The following RHBDL3 variants were observed in gnomAD, a reference collection of about 807,000 sequenced individuals.
RHBDL3 encodes the protein rhomboid-related protein 3.
RHBDL3 carries 28 observed loss-of-function variants against 48.2 expected under a neutral mutation model. The observed-to-expected ratio is 0.58, with a 90% CI of 0.43 to 0.80. The LOEUF is 0.80. RHBDL3 is among the 30% of genes least tolerant of loss of function. RHBDL3 has a pLI of 0.00. For missense variants in RHBDL3, 464 were observed against 542.7 expected, an observed-to-expected ratio of 0.85 and a Z score of 1.44; for synonymous variants, 208 against 232.3, an observed-to-expected ratio of 0.90 and a Z score of 0.95.
intron 2 of RHBDL3, among the ~76,000 whole-genome samples, chr17:32,274,018 G>A (rs1357937004): frequency 2.6e-5 from 4 of 152,248 alleles, no homozygotes; most frequent in African/African-American, 9.6e-5. Flanking sequence ...TTGCAGGCGT[G>A]AGCCACCGTG....
chr17:32,271,634 A>G (rs2039777440), intron 2 of RHBDL3, among the ~76,000 whole-genome samples: 1 of 152,240 alleles, frequency 6.6e-6, no homozygotes, highest in Non-Finnish European at 1.5e-5. Flanking sequence ...ACCCTTAAAA[A>G]TGCCTCCAAG....
intron 6 of RHBDL3, among the ~76,000 whole-genome samples, chr17:32,305,032 G>A (rs2040674791): frequency 6.6e-6 from 1 of 152,048 alleles, no homozygotes; most frequent in Admixed American, 6.6e-5. Context: ...GGGGCAGGAG[G>A]ATCACTTGAG....
Position 32,265,918 on chromosome 17 carries a change from G to C in RHBDL3, c.-272G>C, listed in dbSNP as rs1032132660. Among the ~76,000 whole-genome samples the C allele has an allele frequency of 7.5e-5, 11 of 146,962 alleles. No individual in the cohort carries two copies. Among genetic ancestry groups the C allele is most frequent in the Admixed American group, 6.1e-4 (9 of 14,812 alleles). ...CCAAGGGCGCCCTCGCCTCGGAGCCGGGCGCGAGGGCCGGGGCGGAGGCGG... is the reference window on the plus strand; with the variant it reads ...CCAAGGGCGCCCTCGCCTCGGAGCCCGGCGCGAGGGCCGGGGCGGAGGCGG... On this transcript the variant is annotated 5_prime_UTR_variant, in exon 1 of 9. Transcript: ENST00000269051.
intron 3 of RHBDL3, 107 bp downstream of exon 3, chr17:32,284,924 T>C (rs949209272): frequency 9.8e-7 from 1 of 1,024,816 alleles, no homozygotes; most frequent in Admixed American, 2.1e-5. Flanking sequence ...GCCTGCAGCA[T>C]TGAAAAAGTC....
intron 4 of RHBDL3, among the ~76,000 whole-genome samples, chr17:32,293,595 C>CA (rs1377310440): frequency 6.6e-6 from 1 of 151,114 alleles, no homozygotes; most frequent in Non-Finnish European, 1.5e-5. Context: ...AAAAAAAACC[C>CA]AAAAAACTGA....
rs2041209382 is a variant in RHBDL3 at position 32,324,314 on chromosome 17, T to C, written c.*3085T>C. The C allele has an allele frequency of 6.5e-6, 1 of 152,686 alleles. No homozygotes were observed. Among genetic ancestry groups the C allele is most frequent in the Non-Finnish European group, 1.5e-5 (1 of 68,048 alleles). The allele number at this position is 152,686 out of a possible 1,614,324, so 9.5% of individuals were successfully genotyped here. On this transcript the variant is annotated 3_prime_UTR_variant, in exon 9 of 9. Transcript: ENST00000269051. ...CTCTCGATTTCCATGAGAACCATTC[T>C]TGCCCAGAGGATTAGGGGAGCTGTT... is the stretch of plus-strand genomic sequence containing the variant.
At chr17:32,305,303 C>T (rs1056128218) in intron 6 of RHBDL3, 38 bp from the exon 7 acceptor site, 4 of 1,457,654 alleles carry the variant, frequency 2.7e-6, no homozygotes, top group Non-Finnish European at 3.9e-6. Flanking sequence ...GAGCCGAGTC[C>T]CGCACTCCTG....
chr17:32,316,196 TA>T (rs2040968564), intron 7 of RHBDL3, 35 bp from the exon 8 acceptor site: 7 of 1,519,154 alleles, frequency 4.6e-6, no homozygotes, highest in Non-Finnish European at 4.6e-6. Context: ...AAGAGTGGTC[TA>T]ATCTGGAACT....
Position 32,266,235 on chromosome 17 carries a change from G to T in RHBDL3, c.46G>T (p.Glu16Ter). The T allele has an allele frequency of 1.4e-6, 2 of 1,448,912 alleles. No individual in the cohort carries two copies. Among genetic ancestry groups the T allele is most frequent in the Non-Finnish European group, 1.8e-6 (2 of 1,107,090 alleles). 89.8% of individuals were successfully genotyped at this position (1,448,912 alleles called of 1,614,324 possible). The change falls in exon 1 of 9, where the codon GAG (glutamate) becomes TAG (stop). Residue 16 changes from glutamate (E) to a stop codon, truncating the protein, a stop_gained. Coordinates refer to ENST00000269051, the MANE Select transcript of RHBDL3 (RefSeq NM_138328.3). LOFTEE classifies it high-confidence loss of function. ...SPGPAVAACA[E>*]AERIEELEPE... ...GGGCCCCGCGGTGGCCGCCTGCGCCGAGGCGGAGCGCATCGAGGAGCTGGA... is the reference window on the plus strand; with the variant it reads ...GGGCCCCGCGGTGGCCGCCTGCGCCTAGGCGGAGCGCATCGAGGAGCTGGA...
intron 2 of RHBDL3, among the ~76,000 whole-genome samples, chr17:32,274,976 A>G (rs995229722): frequency 6.6e-6 from 1 of 151,984 alleles, no homozygotes; most frequent in Non-Finnish European, 1.5e-5. Flanking sequence ...AGCACCCTTT[A>G]TCCTTCCAGC....
chr17:32,301,797 G>C (rs2040589989), intron 6 of RHBDL3, among the ~76,000 whole-genome samples: 1 of 151,922 alleles, frequency 6.6e-6, no homozygotes, highest in South Asian at 2.1e-4. Flanking sequence ...CCCCAGCCTG[G>C]GCAACAAGAG....
chr17:32,295,545 T>A (rs2040426403), intron 5 of RHBDL3, among the ~76,000 whole-genome samples: 1 of 152,252 alleles, frequency 6.6e-6, no homozygotes, highest in Non-Finnish European at 1.5e-5. Flanking sequence ...GGGGCTTCCC[T>A]GCCCAGGCAT....
intron 6 of RHBDL3, among the ~76,000 whole-genome samples, chr17:32,302,127 G>T (rs2150736111): frequency 6.6e-6 from 1 of 152,308 alleles, no homozygotes; most frequent in East Asian, 1.9e-4. Flanking sequence ...TTCTCTCCTA[G>T]TCCTCTGCCT....
At chr17:32,310,462 C>T (rs2040817003) in intron 7 of RHBDL3, among the ~76,000 whole-genome samples, 1 of 152,146 alleles carries the variant, frequency 6.6e-6, no homozygotes, top group Non-Finnish European at 1.5e-5. Context: ...TGCCTGTAAT[C>T]TCAGCACTTT....
intron 8 of RHBDL3, among the ~76,000 whole-genome samples, chr17:32,319,223 C>A (rs1255231999): frequency 6.6e-6 from 1 of 151,750 alleles, no homozygotes; most frequent in Non-Finnish European, 1.5e-5. Flanking sequence ...GAGATAGAGA[C>A]CATCCTGGCT....
At chr17:32,297,297 A>G (rs577565210) in intron 5 of RHBDL3, among the ~76,000 whole-genome samples, 151 of 152,188 alleles carry the variant, frequency 9.9e-4, no homozygotes, top group South Asian at 9.3e-3. Flanking sequence ...GTGAAACCCC[A>G]TCTCTACTAA....
chr17:32,317,212 C>G (rs1330570569), intron 8 of RHBDL3, among the ~76,000 whole-genome samples: 2 of 152,074 alleles, frequency 1.3e-5, no homozygotes, highest in Admixed American at 6.6e-5. Flanking sequence ...ATATAATATG[C>G]AAACAGAAAA....
rs1254297916 is a variant in RHBDL3, at chr17:32,266,292, C to T, written c.103C>T (p.Pro35Ser). The T allele has an allele frequency of 1.2e-5, 18 of 1,462,582 alleles. No individual in the cohort carries two copies. The highest frequency in any genetic ancestry group is 9.1e-5 in the East Asian group (3 of 33,124). 90.6% of individuals were successfully genotyped at this position (1,462,582 alleles called of 1,614,324 possible). ...GGCCGAGGAGCGGCTGCCCGCGGCGCCGGAGGACGTGAGTGCCCCCTCCCC... is the reference window on the plus strand; with the variant it reads ...GGCCGAGGAGCGGCTGCCCGCGGCGTCGGAGGACGTGAGTGCCCCCTCCCC... ...PEAEERLPAA[P>S]EDHWKVLFDQ... is the part of the protein sequence containing the mutation. Residue 35 changes from proline (P) to serine (S), a missense_variant, in exon 1 of 9, where the codon CCG becomes TCG. Pro to Ser is a moderately conservative substitution (Grantham distance 74). Coordinates refer to ENST00000269051, the MANE Select transcript of RHBDL3 (RefSeq NM_138328.3).
chr17:32,267,671 C>A, intron 1 of RHBDL3: 1 of 803,736 alleles, frequency 1.2e-6, no homozygotes, highest in Non-Finnish European at 1.7e-6. Flanking sequence ...CCCGCCCCCA[C>A]CCCATCCCTT....
Sources: gnomAD v4.1 joint callset for allele counts (sites outside exome capture counted in the v4.1 genomes callset) on GRCh38, gnomAD v4.1.1 for gene constraint, MANE v1.5 for transcripts, NCBI Gene and HGNC (gene_info 2026-07-23, HGNC 2026-07-21) for gene names.